Variants in GNG2 observed in about 807,000 individuals in gnomAD.
GNG2 encodes the protein guanine nucleotide-binding protein G(I)/G(S)/G(O) subunit gamma-2.
A neutral mutation model predicts 5.5 loss-of-function variants in GNG2; 5 were observed. The ratio of observed to expected loss-of-function variants is 0.91; its 90% CI spans 0.48 to 1.92. The LOEUF (loss-of-function observed/expected upper bound fraction) is 1.92. Among genes scored for constraint, GNG2 ranks in the 30% most tolerant of loss-of-function variants. The pLI, the probability that GNG2 is intolerant of heterozygous loss-of-function variation, is 0.01. For missense variants in GNG2, 55 were observed against 88.4 expected (o/e 0.62, Z 1.52); for synonymous variants, 28 against 32.0 (o/e 0.88, Z 0.42).
At chr14:51,839,207 T>G (rs888992652) in intron 2 of GNG2, among the ~76,000 whole-genome samples, 1 of 152,148 alleles carries the variant, frequency 6.6e-6, no homozygotes, top group African/African-American at 2.4e-5. Flanking sequence ...GGGCATAGCT[T>G]GGCTTTATAC....
chr14:51,900,950 G>A (rs898175481), intron 2 of GNG2, among the ~76,000 whole-genome samples: 4 of 152,188 alleles, frequency 2.6e-5, no homozygotes, highest in Non-Finnish European at 4.4e-5. Flanking sequence ...TGGAGAATTT[G>A]AGGATGATAC....
chr14:51,888,998 A>C (rs1884649031), intron 2 of GNG2, among the ~76,000 whole-genome samples: 1 of 152,148 alleles, frequency 6.6e-6, no homozygotes, highest in Admixed American at 6.5e-5. Context: ...CCAGGCACTG[A>C]AATGTCCAGA....
intron 2 of GNG2, among the ~76,000 whole-genome samples, chr14:51,925,543 G>A (rs1028356402): frequency 1.3e-5 from 2 of 152,076 alleles, no homozygotes; most frequent in African/African-American, 2.4e-5. Flanking sequence ...TCTGAAAATC[G>A]GAGGATACTG....
At chr14:51,890,584 AC>A (rs1444280421) in intron 2 of GNG2, among the ~76,000 whole-genome samples, 1 of 152,230 alleles carries the variant, frequency 6.6e-6, no homozygotes, top group Non-Finnish European at 1.5e-5. Flanking sequence ...GTTCTGGCAT[AC>A]AACAAAAAAT....
At chr14:51,857,122 T>A (rs1864144010), upstream of GNG2, among the ~76,000 whole-genome samples, 1 of 152,100 alleles carries the variant, frequency 6.6e-6, no homozygotes, top group African/African-American at 2.4e-5. Context: ...TAACAAAACC[T>A]GAAAATAATG....
intron 2 of GNG2, among the ~76,000 whole-genome samples, chr14:51,926,576 C>A (rs959467549): frequency 1.3e-5 from 2 of 152,130 alleles, no homozygotes; most frequent in African/African-American, 4.8e-5. Context: ...GACAGCCAAG[C>A]ATAAAGAGAC....
intron 1 of GNG2, among the ~76,000 whole-genome samples, chr14:51,874,923 A>G (rs1883556432): frequency 6.6e-6 from 1 of 152,238 alleles, no homozygotes; most frequent in South Asian, 2.1e-4. Flanking sequence ...AATTTTCTTA[A>G]CATTAGTAAA....
chr14:51,960,833 T>C (rs1453011700), intron 3 of GNG2, among the ~76,000 whole-genome samples: 1 of 152,186 alleles, frequency 6.6e-6, no homozygotes, highest in African/African-American at 2.4e-5. Context: ...CTTTCTACTC[T>C]GGCCCTATGT....
intron 2 of GNG2, among the ~76,000 whole-genome samples, chr14:51,832,832 G>A (rs1018305531): frequency 6.6e-6 from 1 of 152,150 alleles, no homozygotes; most frequent in African/African-American, 2.4e-5. Context: ...TTGAAGATGA[G>A]GGCTTCAATA....
At chr14:51,933,909 A>G (rs1887810714) in intron 2 of GNG2, among the ~76,000 whole-genome samples, 1 of 152,236 alleles carries the variant, frequency 6.6e-6, no homozygotes, top group Non-Finnish European at 1.5e-5. Context: ...AATCATGAGA[A>G]GGTGACTCAG....
At chr14:51,943,044 C>T (rs1433896990) in intron 2 of GNG2, among the ~76,000 whole-genome samples, 2 of 152,104 alleles carry the variant, frequency 1.3e-5, no homozygotes, top group African/African-American at 4.8e-5. Context: ...CTCCATTTAC[C>T]TCTGCCCCAT....
At chr14:51,929,790 C>G (rs1424984627) in intron 2 of GNG2, among the ~76,000 whole-genome samples, 1 of 152,162 alleles carries the variant, frequency 6.6e-6, no homozygotes, top group African/African-American at 2.4e-5. Flanking sequence ...CAATATGAGG[C>G]TGGCGTCGAG....
chr14:51,843,547 G>A (rs900654163), intron 2 of GNG2, among the ~76,000 whole-genome samples: 3 of 149,474 alleles, frequency 2.0e-5, no homozygotes, highest in African/African-American at 7.4e-5. Flanking sequence ...TAACCTGCAC[G>A]ATCTGCACAC....
chr14:51,920,240 G>T (rs1303271184), intron 2 of GNG2, among the ~76,000 whole-genome samples: 1 of 152,062 alleles, frequency 6.6e-6, no homozygotes, highest in East Asian at 1.9e-4. Flanking sequence ...ATCCACAGGG[G>T]TCCTGAAACC....
At chr14:51,953,576 A>T (rs951693405) in intron 3 of GNG2, among the ~76,000 whole-genome samples, 13 of 152,174 alleles carry the variant, frequency 8.5e-5, no homozygotes, top group African/African-American at 3.1e-4. Context: ...TCTGAATCCC[A>T]CTTGATGTCA....
chr14:51,911,725 A>C (rs1337303808), intron 2 of GNG2, among the ~76,000 whole-genome samples: 1 of 131,650 alleles, frequency 7.6e-6, no homozygotes, highest in Non-Finnish European at 1.6e-5. Context: ...TTAAAAAAAC[A>C]TTTATAGAGA....
At chr14:51,828,474 G>A (rs1195217416) in intron 2 of GNG2, among the ~76,000 whole-genome samples, 1 of 152,176 alleles carries the variant, frequency 6.6e-6, no homozygotes, top group Non-Finnish European at 1.5e-5. Context: ...GAGGAAAAAA[G>A]GAGGGAAGGA....
At position 51,870,770 on chromosome 14, in the gene GNG2, C is replaced by G. The variant is rs538242630; in HGVS notation, c.-70-6847C>G. On this transcript the variant is annotated intron_variant, in intron 1 of 3. Transcript: ENST00000556766. ...TGTCGCATTCTCTTTATGGTTGCTG[C>G]TTCCTACTTTGGCATTATATTTCAG... Among the ~76,000 whole-genome samples the G allele has an allele frequency of 7.9e-5, 12 of 152,306 alleles. No homozygotes were observed. The South Asian group carries it at 2.5e-3, about 32-fold the overall frequency.
chr14:51,906,941 G>A (rs920913369), intron 2 of GNG2, among the ~76,000 whole-genome samples: 1 of 152,002 alleles, frequency 6.6e-6, no homozygotes, highest in Non-Finnish European at 1.5e-5. Context: ...ATTTTTAGTA[G>A]AGACGGGGTT....
Sources: gnomAD v4.1 joint callset for allele counts (sites outside exome capture counted in the v4.1 genomes callset) on GRCh38, gnomAD v4.1.1 for gene constraint, MANE v1.5 for transcripts, NCBI Gene and HGNC (gene_info 2026-07-23, HGNC 2026-07-21) for gene names.